The following PCSK2 variants were observed in gnomAD, a reference collection of about 807,000 sequenced individuals.
PCSK2 encodes neuroendocrine convertase 2.
Under a neutral mutation model 69.7 loss-of-function variants are expected in PCSK2, and 14 were observed. That is an observed-to-expected ratio of 0.20 (90% confidence interval 0.13 to 0.31). The LOEUF is 0.31. Among genes scored for constraint, PCSK2 ranks in the 10% least tolerant of loss-of-function variants. The probability of loss-of-function intolerance (pLI) is 1.00; values close to 1 mark genes in which losing one functional copy is unlikely to be tolerated. For missense variants in PCSK2, 544 were observed against 842.5 expected (o/e 0.65, Z 4.39); for synonymous variants, 307 against 320.7 (o/e 0.96, Z 0.46).
chr20:17,403,298 T>G (rs1225150790), intron 5 of PCSK2, among the ~76,000 whole-genome samples: 2 of 152,226 alleles, frequency 1.3e-5, no homozygotes, highest in South Asian at 2.1e-4. Context: ...ACAGCCAGAT[T>G]TAATATAGAC....
At chr20:17,384,837 G>A (rs917912387) in intron 5 of PCSK2, among the ~76,000 whole-genome samples, 8 of 151,926 alleles carry the variant, frequency 5.3e-5, no homozygotes, top group East Asian at 1.9e-4. Context: ...AGGTTGAGAC[G>A]GGAGGATCTA....
chr20:17,460,105 C>T (rs532633859), intron 10 of PCSK2, among the ~76,000 whole-genome samples: 1 of 152,310 alleles, frequency 6.6e-6, no homozygotes, highest in Admixed American at 6.5e-5. Flanking sequence ...TTCTAGCTTT[C>T]TGCTCCTTTG....
At chr20:17,410,088 G>A (rs1014300688) in intron 6 of PCSK2, among the ~76,000 whole-genome samples, 1 of 151,990 alleles carries the variant, frequency 6.6e-6, no homozygotes, top group African/African-American at 2.4e-5. Flanking sequence ...ACTTCAATTA[G>A]TTGTATAAAA....
In PCSK2 at chr20:17,458,619, A is replaced by T. The variant is rs191551088; in HGVS notation, c.1202+2171A>T. Among the ~76,000 whole-genome samples, 180 of 152,308 alleles carry T rather than the reference A, an allele frequency of 1.2e-3. 1 individual carries two copies. The highest frequency in any genetic ancestry group is 4.0e-3 in the African/African-American group (167 of 41,568). ...CAGTCCCAAAGCTCATCTCTCTCTTATCTTGAGATAAGGTTACAGGAAGTC... is the reference window on the plus strand; with the variant it reads ...CAGTCCCAAAGCTCATCTCTCTCTTTTCTTGAGATAAGGTTACAGGAAGTC... On this transcript the variant is annotated intron_variant, in intron 10 of 11. Coordinates refer to ENST00000262545, the MANE Select transcript of PCSK2 (RefSeq NM_002594.5).
At chr20:17,447,255 A>G (rs1600587181) in intron 8 of PCSK2, among the ~76,000 whole-genome samples, 1 of 139,414 alleles carries the variant, frequency 7.2e-6, no homozygotes, top group South Asian at 2.5e-4. Flanking sequence ...TGGGTGACAG[A>G]GCTATACTCT....
At chr20:17,426,442 C>A (rs1484474135) in intron 6 of PCSK2, among the ~76,000 whole-genome samples, 1 of 152,216 alleles carries the variant, frequency 6.6e-6, no homozygotes, top group African/African-American at 2.4e-5. Context: ...TGGGTATTAG[C>A]AAATGACTGA....
chr20:17,325,179 C>A (rs1380256980), intron 2 of PCSK2, among the ~76,000 whole-genome samples: 2 of 152,146 alleles, frequency 1.3e-5, no homozygotes, highest in East Asian at 3.9e-4. Context: ...AGTCAGCTCC[C>A]TGTGGGTCCA....
At chr20:17,351,845 C>A (rs1417999563) in intron 2 of PCSK2, among the ~76,000 whole-genome samples, 6 of 152,062 alleles carry the variant, frequency 3.9e-5, no homozygotes, top group African/African-American at 1.4e-4. Flanking sequence ...GAAGTCCCAG[C>A]CACAGGAATC....
intron 5 of PCSK2, among the ~76,000 whole-genome samples, chr20:17,383,427 A>C (rs558054462): frequency 6.6e-6 from 1 of 152,328 alleles, no homozygotes; most frequent in Non-Finnish European, 1.5e-5. Flanking sequence ...ACAACCAAAA[A>C]ACAGAAAGCC....
Position 17,436,856 on chromosome 20 carries a change from G to A in PCSK2, c.858G>A (p.Leu286=), listed in dbSNP as rs762429177. 1 of 1,612,496 alleles carries A rather than the reference G, an allele frequency of 6.2e-7. No homozygotes were observed. Among genetic ancestry groups the A allele is most frequent in the South Asian group, 1.1e-5 (1 of 90,946 alleles). The part of the protein sequence containing the change: ...KTVDGPRELT[L]QAMADGVNKG... ...TGGATGGGCCCCGGGAGCTCACGCT[G>A]CAGGCCATGGCCGATGGCGTGAACA... is the stretch of plus-strand genomic sequence containing the variant. Residue 286 remains leucine, a synonymous_variant, in exon 8 of 12, where the codon CTG becomes CTA. Coordinates refer to ENST00000262545, the MANE Select transcript of PCSK2 (RefSeq NM_002594.5).
intron 5 of PCSK2, among the ~76,000 whole-genome samples, chr20:17,394,472 G>A (rs1215851482): frequency 6.6e-6 from 1 of 152,182 alleles, no homozygotes; most frequent in Admixed American, 6.5e-5. Context: ...AACCGTAGGG[G>A]ATGGAAAAGT....
chr20:17,343,480 C>A (rs1233121923), intron 2 of PCSK2, among the ~76,000 whole-genome samples: 1 of 152,210 alleles, frequency 6.6e-6, no homozygotes, highest in Non-Finnish European at 1.5e-5. Context: ...CAGCAACCAA[C>A]CTCACTTCTC....
intron 6 of PCSK2, among the ~76,000 whole-genome samples, chr20:17,417,379 G>A (rs2032023471): frequency 6.6e-6 from 1 of 150,906 alleles, no homozygotes; most frequent in African/African-American, 2.4e-5. Flanking sequence ...CAGTCATAGT[G>A]ACTCAGGCAA....
intron 5 of PCSK2, among the ~76,000 whole-genome samples, chr20:17,378,182 C>G (rs574228824): frequency 3.3e-5 from 5 of 152,220 alleles, no homozygotes; most frequent in Admixed American, 3.3e-4. Context: ...CTAGAAAAAG[C>G]AAGTCAGCCC....
chr20:17,275,523 A>G (rs1988034473), intron 2 of PCSK2, among the ~76,000 whole-genome samples: 1 of 152,138 alleles, frequency 6.6e-6, no homozygotes, highest in African/African-American at 2.4e-5. Flanking sequence ...GTGGACTTTT[A>G]CTATTGTTCA....
At chr20:17,287,088 G>A (rs1988537103) in intron 2 of PCSK2, among the ~76,000 whole-genome samples, 1 of 151,968 alleles carries the variant, frequency 6.6e-6, no homozygotes. Context: ...CATAAGATAA[G>A]ACCCACCCAT....
At chr20:17,405,604 G>T (rs2031734354) in intron 5 of PCSK2, among the ~76,000 whole-genome samples, 1 of 152,232 alleles carries the variant, frequency 6.6e-6, no homozygotes, top group African/African-American at 2.4e-5. Flanking sequence ...TATAATAAGT[G>T]ACTGTCCTTT....
chr20:17,245,324 A>G (rs561100784), intron 1 of PCSK2, among the ~76,000 whole-genome samples: 1 of 152,248 alleles, frequency 6.6e-6, no homozygotes, highest in Admixed American at 6.5e-5. Context: ...GTGGAATTTA[A>G]TAGGGTACCA....
At chr20:17,431,084 T>G (rs945397247) in intron 7 of PCSK2, among the ~76,000 whole-genome samples, 2 of 152,124 alleles carry the variant, frequency 1.3e-5, no homozygotes, top group Non-Finnish European at 2.9e-5. Flanking sequence ...AGACAAGGAT[T>G]CCGGGCAAGC....
Sources: gnomAD v4.1 joint callset for allele counts (sites outside exome capture counted in the v4.1 genomes callset) on GRCh38, gnomAD v4.1.1 for gene constraint, MANE v1.5 for transcripts, NCBI Gene and HGNC (gene_info 2026-07-23, HGNC 2026-07-21) for gene names.